LRP11: variants seen among roughly 807,000 people sequenced by gnomAD.
The protein encoded by LRP11 is low-density lipoprotein receptor-related protein 11.
In LRP11, 25 loss-of-function variants were observed where a neutral mutation model predicts 43.1. The observed-to-expected ratio is 0.58, with a 90% CI of 0.42 to 0.81. The LOEUF (loss-of-function observed/expected upper bound fraction) is 0.81. LRP11 is among the 30% of genes least tolerant of loss of function. The probability of loss-of-function intolerance (pLI) is 0.00; values close to 1 mark genes in which losing one functional copy is unlikely to be tolerated. For synonymous variants in LRP11, 316 were observed against 299.4 expected (o/e 1.06, Z -0.57); for missense variants, 623 against 665.1 (o/e 0.94, Z 0.70).
At chr6:149,845,231 C>A (rs549813469) in intron 2 of LRP11, among the ~76,000 whole-genome samples, 6 of 152,334 alleles carry the variant, frequency 3.9e-5, no homozygotes, top group Admixed American at 3.3e-4. Context: ...CTGGGCCTGG[C>A]CCATAGTAAG....
chr6:149,851,797 A>C (rs1462002586), intron 2 of LRP11, among the ~76,000 whole-genome samples: 1 of 152,174 alleles, frequency 6.6e-6, no homozygotes, highest in East Asian at 1.9e-4. Flanking sequence ...CCATTCTCAC[A>C]CTGCTACAAA....
chr6:149,847,008 G>GAATAGAATAT (rs1554259671), intron 2 of LRP11, among the ~76,000 whole-genome samples: 39 of 147,076 alleles, frequency 2.7e-4, no homozygotes, highest in African/African-American at 9.8e-4. Flanking sequence ...GAATAGAATA[G>GAATAGAATAT]AATAGAATAA....
At chr6:149,838,003 C>T (rs964879598) in intron 3 of LRP11, among the ~76,000 whole-genome samples, 4 of 152,106 alleles carry the variant, frequency 2.6e-5, no homozygotes, top group Admixed American at 6.6e-5. Context: ...CTGCAACCTC[C>T]GCCTCCCGGG....
intron 1 of LRP11, among the ~76,000 whole-genome samples, chr6:149,853,408 T>C (rs1776753467): frequency 6.6e-6 from 1 of 152,208 alleles, no homozygotes. Flanking sequence ...GTCCCACCAA[T>C]GTGTAAATAT....
chr6:149,835,996 T>C, intron 5 of LRP11, 89 bp downstream of exon 5: 1 of 1,208,042 alleles, frequency 8.3e-7, no homozygotes, highest in Middle Eastern at 1.9e-4. Context: ...GATACTTCCT[T>C]AACACTCTTC....
In LRP11 at chr6:149,862,577, C is replaced by CCTTTTTTTTTTTTTTTTTTTTTTTTT. The variant is rs57368910; in HGVS notation, c.613+830_613+831insAAAAAAAAAAAAAAAAAAAAAAAAAG. Among the ~76,000 whole-genome samples, 2 of 126,206 alleles carry CCTTTTTTTTTTTTTTTTTTTTTTTTT rather than the reference C, an allele frequency of 1.6e-5. 1 individual carries two copies. Among genetic ancestry groups the CCTTTTTTTTTTTTTTTTTTTTTTTTT allele is most frequent in the Non-Finnish European group, 3.2e-5 (2 of 62,404 alleles). 82.8% of individuals were successfully genotyped at this position (126,206 alleles called of 152,430 possible). Reference sequence around the variant, plus strand: ...CTTTAAAGTTTCCTATTTTCTTTTCCTTTTTTTTTTTTTTTTTTTAAGATG... The same window carrying CCTTTTTTTTTTTTTTTTTTTTTTTTT: ...CTTTAAAGTTTCCTATTTTCTTTTCCCTTTTTTTTTTTTTTTTTTTTTTTTTTTTTTTTTTTTTTTTTTTTAAGATG... On this transcript the variant is annotated intron_variant, in intron 1 of 6. Coordinates refer to ENST00000239367, the MANE Select transcript of LRP11 (RefSeq NM_032832.6).
intron 4 of LRP11, 104 bp from the exon 5 acceptor site, chr6:149,836,401 G>A (rs1221838001): frequency 2.1e-6 from 2 of 953,080 alleles, no homozygotes; most frequent in African/African-American, 1.6e-5. Context: ...ATATTTGGAT[G>A]TAACAGCCCA....
rs769275200 is a variant in LRP11 at position 149,842,640 on chromosome 6, T to A, written c.913+343A>T. The A allele has an allele frequency of 3.2e-6, 5 of 1,550,884 alleles. No individual in the cohort carries two copies. In the South Asian group the frequency reaches 3.6e-5, roughly 11 times the overall value. The stretch of plus-strand genomic sequence containing the variant: ...ACTGGTTTCACTAAACTCCTTAGCT[T>A]CCCTCTTGGAACAGATGCAGCAAAT... On this transcript the variant is annotated intron_variant, in intron 3 of 6. Coordinates refer to ENST00000239367, the MANE Select transcript of LRP11 (RefSeq NM_032832.6).
chr6:149,849,189 T>A (rs949732897), intron 2 of LRP11, among the ~76,000 whole-genome samples: 2 of 152,238 alleles, frequency 1.3e-5, no homozygotes, highest in Non-Finnish European at 2.9e-5. Flanking sequence ...ATTTATGAAT[T>A]CCAAATCTCC....
At chr6:149,838,655 AG>A (rs1215313572) in intron 3 of LRP11, among the ~76,000 whole-genome samples, 1 of 151,532 alleles carries the variant, frequency 6.6e-6, no homozygotes, top group Admixed American at 6.6e-5. Flanking sequence ...ACTGCACTCC[AG>A]CCTGGGCGAC....
intron 3 of LRP11, among the ~76,000 whole-genome samples, chr6:149,839,302 A>G (rs1006141456): frequency 1.3e-5 from 2 of 152,126 alleles, no homozygotes; most frequent in African/African-American, 4.8e-5. Flanking sequence ...AAGAGAAGTT[A>G]AAGAAAATAA....
chr6:149,863,548 A>G lies in LRP11; in HGVS notation c.473T>C (p.Leu158Pro). 1 of 1,371,528 alleles carries G rather than the reference A, an allele frequency of 7.3e-7. No homozygotes were observed. The highest frequency in any genetic ancestry group is 1.7e-5 in the South Asian group (1 of 58,608). 85.0% of individuals were successfully genotyped at this position (1,371,528 alleles called of 1,614,324 possible). Residue 158 changes from leucine to proline, a missense_variant, in exon 1 of 7, where the codon CTC (leucine) becomes CCC (proline). Physicochemically the swap from Leu to Pro is moderately conservative, Grantham distance 98. Coordinates refer to ENST00000239367, the MANE Select transcript of LRP11 (RefSeq NM_032832.6). ...PRRPAPPAAVLGCYLFNCTAR... is the reference protein window; with the variant it reads ...PRRPAPPAAVPGCYLFNCTAR... ...CGTGCAGTTGAAGAGGTAGCAGCCG[A>G]GCACGGCTGCCGGGGGCGCGGGGCG...
In LRP11 at chr6:149,836,088, G is replaced by A. The variant is rs774318444; in HGVS notation, c.1249C>T (p.Pro417Ser). The change falls in exon 5 of 7, where the codon CCA becomes TCA. Residue 417 changes from proline (P) to serine (S), a missense_variant. By Grantham distance (74) the Pro-to-Ser change is moderately conservative. Coordinates refer to ENST00000239367, the MANE Select transcript of LRP11 (RefSeq NM_032832.6). Reference sequence around the variant, plus strand: ...AGAACCCACCGTGAATCCTTACCTGGCATCACAGGAATGATTTGACTCTCT... The same window carrying A: ...AGAACCCACCGTGAATCCTTACCTGACATCACAGGAATGATTTGACTCTCT... ...GPESQIIPVM[P>S]DSSSSGKNRK... 6.2e-7 allele frequency: 1 copy of A among 1,613,334 alleles called. No homozygotes were observed. The highest frequency in any genetic ancestry group is 1.1e-5 in the South Asian group (1 of 91,028).
At chr6:149,831,743 A>T (rs1258095572) in intron 5 of LRP11, among the ~76,000 whole-genome samples, 2 of 152,222 alleles carry the variant, frequency 1.3e-5, no homozygotes, top group Admixed American at 6.5e-5. Flanking sequence ...ATTACAGCTC[A>T]CTGCAGCCTC....
intron 4 of LRP11, 44 bp from the exon 5 acceptor site, chr6:149,836,341 T>C (rs766521995): frequency 6.5e-7 from 1 of 1,541,826 alleles, no homozygotes; most frequent in Non-Finnish European, 8.9e-7. Flanking sequence ...ATTTCTTTTC[T>C]GAGCTTTAAT....
At chr6:149,856,515 GAGGA>G (rs1776801446) in intron 1 of LRP11, among the ~76,000 whole-genome samples, 1 of 152,146 alleles carries the variant, frequency 6.6e-6, no homozygotes, top group African/African-American at 2.4e-5. Context: ...ACAACACGAA[GAGGA>G]AGGGAGTGTG....
rs554446681 is a variant in LRP11, at chr6:149,838,855, C to T, written c.914-1392G>A. On this transcript the variant is annotated intron_variant, in intron 3 of 6. Coordinates refer to ENST00000239367, the MANE Select transcript of LRP11 (RefSeq NM_032832.6). ...ACTTAGCTAGAGGAGAACCGGGTGA[C>T]TATCTGGTACTGGCAACATGGACTA... Among the ~76,000 whole-genome samples the T allele has an allele frequency of 2.0e-5, 3 of 152,172 alleles. No individual in the cohort carries two copies. The South Asian group carries it at 6.2e-4, about 32-fold the overall frequency.
At chr6:149,839,424 G>A (rs983210058) in intron 3 of LRP11, among the ~76,000 whole-genome samples, 6 of 152,258 alleles carry the variant, frequency 3.9e-5, no homozygotes, top group East Asian at 1.9e-4. Context: ...AGCAGGGAGC[G>A]GAGGTGGGGG....
intron 3 of LRP11, chr6:149,842,744 G>A (rs1162112899): frequency 1.5e-5 from 22 of 1,461,420 alleles, no homozygotes; most frequent in South Asian, 1.3e-4. Flanking sequence ...CAAGAGAAGC[G>A]GGAGCATCTC....
Sources: gnomAD v4.1 joint callset for allele counts (sites outside exome capture counted in the v4.1 genomes callset) on GRCh38, gnomAD v4.1.1 for gene constraint, MANE v1.5 for transcripts, NCBI Gene and HGNC (gene_info 2026-07-23, HGNC 2026-07-21) for gene names.